Variants in PREX2 observed in about 807,000 individuals in gnomAD.
The protein encoded by PREX2 is phosphatidylinositol-3,4,5-trisphosphate dependent Rac exchange factor 2, also known as phosphatidylinositol 3,4,5-trisphosphate-dependent Rac exchanger 2 protein.
Under a neutral mutation model 203.2 loss-of-function variants are expected in PREX2, and 107 were observed. The ratio of observed to expected loss-of-function variants is 0.53; its 90% confidence interval spans 0.45 to 0.62. The LOEUF is 0.62. Ranked by LOEUF, PREX2 falls within the 20% of genes least tolerant of loss-of-function variation. The pLI is 0.00. For synonymous variants in PREX2, 672 were observed against 663.6 expected (o/e 1.01, Z -0.19); for missense variants, 1,777 against 1,955.9 (o/e 0.91, Z 1.72).
chr8:68,013,002 C>T (rs1192840925), intron 1 of PREX2, among the ~76,000 whole-genome samples: 1 of 152,180 alleles, frequency 6.6e-6, no homozygotes, highest in Non-Finnish European at 1.5e-5. Context: ...GAAGCTAATA[C>T]ACTAGGGAAA....
chr8:68,006,627 T>C (rs551460043), intron 1 of PREX2, among the ~76,000 whole-genome samples: 5 of 152,282 alleles, frequency 3.3e-5, no homozygotes, highest in Admixed American at 6.5e-5. Flanking sequence ...CCCCCAATAT[T>C]GGACCTAGTT....
At chr8:68,043,302 A>G (rs910800791) in intron 7 of PREX2, among the ~76,000 whole-genome samples, 1 of 152,130 alleles carries the variant, frequency 6.6e-6, no homozygotes, top group Non-Finnish European at 1.5e-5. Flanking sequence ...CAGTCAGACT[A>G]ATGAATCGAT....
At chr8:67,989,029 C>A (rs1465021967) in intron 1 of PREX2, among the ~76,000 whole-genome samples, 1 of 152,080 alleles carries the variant, frequency 6.6e-6, no homozygotes, top group African/African-American at 2.4e-5. Context: ...TGCCTGGGGA[C>A]ATGAGTACCT....
rs371533605 is a variant in PREX2, at chr8:68,121,077, A to G, written c.3724+28A>G. 78 of 1,609,736 alleles carry G rather than the reference A, an allele frequency of 4.8e-5. 1 individual carries two copies. In the Admixed American group the frequency reaches 1.0e-3, roughly 21 times the overall value. On this transcript the variant is annotated intron_variant, in intron 30 of 39. Coordinates refer to ENST00000288368, the MANE Select transcript of PREX2 (RefSeq NM_024870.4). The stretch of plus-strand genomic sequence containing the variant: ...CAGCATGAAAAGCAAAGAACATTGC[A>G]TGATATTAGCAATAATCAATTTAAA...
intron 10 of PREX2, among the ~76,000 whole-genome samples, chr8:68,059,233 A>G (rs986012759): frequency 1.3e-5 from 2 of 152,240 alleles, no homozygotes; most frequent in African/African-American, 2.4e-5. Flanking sequence ...TGAGCAATAT[A>G]ATATTTTTTA....
At chr8:68,154,803 G>A (rs1036429885) in intron 34 of PREX2, among the ~76,000 whole-genome samples, 7 of 152,292 alleles carry the variant, frequency 4.6e-5, no homozygotes, top group African/African-American at 1.4e-4. Flanking sequence ...GAATGTGCAC[G>A]GGGCAAAATC....
intron 1 of PREX2, among the ~76,000 whole-genome samples, chr8:68,013,028 C>G (rs1423397412): frequency 6.6e-6 from 1 of 152,148 alleles, no homozygotes; most frequent in Non-Finnish European, 1.5e-5. Context: ...GCAGTGCAGT[C>G]TGGTGGTCTT....
intron 1 of PREX2, among the ~76,000 whole-genome samples, chr8:67,959,234 T>C (rs1805567317): frequency 6.6e-6 from 1 of 152,094 alleles, no homozygotes; most frequent in Admixed American, 6.5e-5. Context: ...CTCTTTAAAG[T>C]GGCAGGACTT....
intron 1 of PREX2, among the ~76,000 whole-genome samples, chr8:67,982,628 C>T (rs1806305134): frequency 6.6e-6 from 1 of 152,000 alleles, no homozygotes; most frequent in Admixed American, 6.6e-5. Flanking sequence ...GGTAGAGAGC[C>T]TAATGAGAGC....
chr8:68,108,281 A>G lies in PREX2; in HGVS notation c.2888A>G (p.Asp963Gly). The change falls in exon 24 of 40, where the codon GAT becomes GGT. Residue 963 changes from aspartate to glycine, a missense_variant. Coordinates refer to ENST00000288368, the MANE Select transcript of PREX2 (RefSeq NM_024870.4). Reference protein sequence around the residue: ...SLGSAFGVQLDSRKHNSHDKE... With the variant: ...SLGSAFGVQLGSRKHNSHDKE... ...GGAAGTGCATTTGGTGTTCAGTTGG[A>G]TAGCAGGAAGCATAATTCTCATGAT... 1 of 1,614,028 alleles carries G rather than the reference A, an allele frequency of 6.2e-7. No homozygotes were observed. Among genetic ancestry groups the G allele is most frequent in the East Asian group, 2.2e-5 (1 of 44,868 alleles).
At chr8:67,981,924 T>G (rs1262627056) in intron 1 of PREX2, among the ~76,000 whole-genome samples, 5 of 152,218 alleles carry the variant, frequency 3.3e-5, no homozygotes, top group Non-Finnish European at 7.3e-5. Context: ...GATTGAGTGC[T>G]TGTTAGTGCC....
chr8:67,975,397 T>A (rs1398310836), intron 1 of PREX2, among the ~76,000 whole-genome samples: 1 of 150,326 alleles, frequency 6.7e-6, no homozygotes, highest in African/African-American at 2.4e-5. Context: ...TCTCTATAAC[T>A]AATTTCTAAT....
At chr8:67,977,681 G>A (rs1489467331) in intron 1 of PREX2, among the ~76,000 whole-genome samples, 2 of 152,082 alleles carry the variant, frequency 1.3e-5, no homozygotes, top group Non-Finnish European at 2.9e-5. Context: ...CTCAACCTCT[G>A]GGGAGGGGAG....
chr8:68,049,478 A>G (rs1017767654), intron 8 of PREX2, among the ~76,000 whole-genome samples: 12 of 152,074 alleles, frequency 7.9e-5, no homozygotes, highest in African/African-American at 2.7e-4. Flanking sequence ...TTTACAGTGT[A>G]TCAGTTTTGG....
intron 1 of PREX2, among the ~76,000 whole-genome samples, chr8:67,967,592 C>T (rs1247481010): frequency 2.0e-5 from 3 of 152,120 alleles, no homozygotes; most frequent in African/African-American, 7.2e-5. Flanking sequence ...AATGAAGTAT[C>T]CTTTAGCAGC....
At chr8:68,207,277 G>A (rs1016933636) in intron 37 of PREX2, among the ~76,000 whole-genome samples, 2 of 152,098 alleles carry the variant, frequency 1.3e-5, no homozygotes, top group East Asian at 3.8e-4. Flanking sequence ...CCATTTAGAA[G>A]CCATAAGAGA....
At chr8:68,199,793 A>G (rs1237567926) in intron 37 of PREX2, among the ~76,000 whole-genome samples, 1 of 152,202 alleles carries the variant, frequency 6.6e-6, no homozygotes, top group Non-Finnish European at 1.5e-5. Flanking sequence ...TTACCCTGAC[A>G]TCAAAGGACA....
intron 37 of PREX2, among the ~76,000 whole-genome samples, chr8:68,209,087 A>AAAAG (rs1248151258): frequency 2.6e-5 from 4 of 151,338 alleles, no homozygotes; most frequent in African/African-American, 4.9e-5. Flanking sequence ...AAAAAAAAAA[A>AAAAG]AAAGAAAGAA....
chr8:68,186,980 A>G (rs1297348587), intron 35 of PREX2, among the ~76,000 whole-genome samples: 2 of 152,158 alleles, frequency 1.3e-5, no homozygotes, highest in Non-Finnish European at 2.9e-5. Context: ...ATGTCGCAGA[A>G]TCAGATCAAC....
Sources: gnomAD v4.1 joint callset for allele counts (sites outside exome capture counted in the v4.1 genomes callset) on GRCh38, gnomAD v4.1.1 for gene constraint, MANE v1.5 for transcripts, NCBI Gene and HGNC (gene_info 2026-07-23, HGNC 2026-07-21) for gene names.